Variants in ELAPOR2 observed in about 807,000 individuals in gnomAD.
ELAPOR2 encodes endosome/lysosome-associated apoptosis and autophagy regulator family member 2.
A neutral mutation model predicts 120.7 loss-of-function variants in ELAPOR2; 89 were observed. That is an observed-to-expected ratio of 0.74 (90% CI 0.62 to 0.88). The LOEUF is 0.88. Among genes scored for constraint, ELAPOR2 ranks in the 40% least tolerant of loss-of-function variants. The pLI, the probability that ELAPOR2 is intolerant of heterozygous loss-of-function variation, is 0.00. For missense variants in ELAPOR2, 1,134 were observed against 1,251.6 expected, an observed-to-expected ratio of 0.91 and a Z score of 1.42; for synonymous variants, 444 against 444.9, an observed-to-expected ratio of 1.00 and a Z score of 0.03.
chr7:86,918,086 G>A lies in ELAPOR2; in HGVS notation c.1593+356C>T, dbSNP rs185511452. 6.3e-3 allele frequency among the ~76,000 whole-genome samples: 954 copies of A among 151,470 alleles called. 13 individuals carry two copies. Among genetic ancestry groups the A allele is most frequent in the African/African-American group, 0.022 (889 of 41,340 alleles). On this transcript the variant is annotated intron_variant, in intron 12 of 21. Coordinates refer to ENST00000450689, the MANE Select transcript of ELAPOR2 (RefSeq NM_001142749.3). Reference sequence around the variant, plus strand: ...TATTAGTACAATGTTTTTTCTTTCCGGATAGTTCAAATAGCTGAATGGTTA... The same window carrying A: ...TATTAGTACAATGTTTTTTCTTTCCAGATAGTTCAAATAGCTGAATGGTTA...
At chr7:86,911,967 C>G (rs1236220395) in intron 15 of ELAPOR2, 105 bp downstream of exon 15, 2 of 1,176,922 alleles carry the variant, frequency 1.7e-6, no homozygotes, top group Non-Finnish European at 2.4e-6. Context: ...GTTTCTGACA[C>G]TTGGTTGATA....
At chr7:87,052,012 A>C (rs927416832) in intron 1 of ELAPOR2, among the ~76,000 whole-genome samples, 11 of 152,230 alleles carry the variant, frequency 7.2e-5, no homozygotes, top group African/African-American at 2.7e-4. Context: ...TAATGAGAGA[A>C]TCTCATGGTC....
chr7:86,887,475 A>G (rs907259866), intron 21 of ELAPOR2, among the ~76,000 whole-genome samples: 35 of 151,996 alleles, frequency 2.3e-4, no homozygotes, highest in African/African-American at 8.2e-4. Context: ...ACTATTTACA[A>G]CTGTTCAGGG....
intron 1 of ELAPOR2, among the ~76,000 whole-genome samples, chr7:87,046,758 T>C (rs1471234033): frequency 6.6e-6 from 1 of 152,210 alleles, no homozygotes; most frequent in African/African-American, 2.4e-5. Context: ...CCTTCTGCCA[T>C]GATTGTTAAG....
chr7:86,928,505 C>T (rs111999583), intron 8 of ELAPOR2, among the ~76,000 whole-genome samples: 6 of 151,992 alleles, frequency 3.9e-5, no homozygotes, highest in South Asian at 4.1e-4. Context: ...GTGGGAGTGG[C>T]GGGCGGTGCT....
intron 1 of ELAPOR2, among the ~76,000 whole-genome samples, chr7:87,033,934 T>G (rs1273585336): frequency 6.6e-6 from 1 of 152,062 alleles, no homozygotes; most frequent in Non-Finnish European, 1.5e-5. Flanking sequence ...AGAAAAAGGA[T>G]GAATTATGGA....
intron 1 of ELAPOR2, among the ~76,000 whole-genome samples, chr7:87,003,242 T>C (rs1404987757): frequency 2.0e-5 from 3 of 152,124 alleles, no homozygotes; most frequent in East Asian, 3.9e-4. Context: ...AACCCACACT[T>C]TTCCCAAGGC....
chr7:86,893,654 T>G (rs1021239916), intron 19 of ELAPOR2, among the ~76,000 whole-genome samples: 4 of 151,978 alleles, frequency 2.6e-5, no homozygotes, highest in African/African-American at 9.7e-5. Context: ...GGGCACACAG[T>G]CTACACCCTT....
At chr7:86,968,551 A>AT (rs1197062496) in intron 1 of ELAPOR2, among the ~76,000 whole-genome samples, 3 of 152,222 alleles carry the variant, frequency 2.0e-5, no homozygotes, top group Non-Finnish European at 4.4e-5. Context: ...AATCATTTGT[A>AT]TTATTATCAG....
Position 86,912,100 on chromosome 7 carries a change from A to T in ELAPOR2, c.2141T>A (p.Phe714Tyr). 6.2e-7 allele frequency: 1 copy of T among 1,610,626 alleles called. No individual in the cohort carries two copies. Among genetic ancestry groups the T allele is most frequent in the Non-Finnish European group, 8.5e-7 (1 of 1,177,136 alleles). ...ATGCCCACATAAACTGATATTGAAG[A>T]AATGGAAGTATTTTGTTCCTTTGGA... is the stretch of plus-strand genomic sequence containing the variant. ...FTSKGTKYFHFFNISLCGHEG... is the reference protein window; with the variant it reads ...FTSKGTKYFHYFNISLCGHEG... The change falls in exon 15 of 22, where the codon TTC becomes TAC. Residue 714 changes from phenylalanine (F) to tyrosine (Y), a missense_variant. Transcript: ENST00000450689.
intron 7 of ELAPOR2, among the ~76,000 whole-genome samples, chr7:86,938,556 A>G (rs1790664674): frequency 6.6e-6 from 1 of 152,076 alleles, no homozygotes; most frequent in Admixed American, 6.6e-5. Context: ...ACATTTTTAG[A>G]TTAGTATAAA....
At chr7:87,040,775 C>T (rs1212050381) in intron 1 of ELAPOR2, among the ~76,000 whole-genome samples, 1 of 152,222 alleles carries the variant, frequency 6.6e-6, no homozygotes, top group African/African-American at 2.4e-5. Flanking sequence ...ATGACTTTGA[C>T]GAGTTGAGAG....
In ELAPOR2 at chr7:86,938,816, TGA is replaced by T; in HGVS notation, c.990_991del (p.Gln331IlefsTer8). 6.2e-7 allele frequency: 1 copy of T among 1,613,052 alleles called. No homozygotes were observed. Among genetic ancestry groups the T allele is most frequent in the Non-Finnish European group, 8.5e-7 (1 of 1,179,276 alleles). On this transcript the variant is annotated frameshift_variant, in exon 7 of 22. Transcript: ENST00000450689. LOFTEE classifies it high-confidence loss of function. ...GTATAAACTAGTTCTACCTGAAAAT[TGA>T]GAGTCGTCTTTACACCTTATACATT...
chr7:86,892,821 C>A, intron 20 of ELAPOR2, 101 bp downstream of exon 20: 1 of 1,103,212 alleles, frequency 9.1e-7, no homozygotes, highest in Non-Finnish European at 1.2e-6. Flanking sequence ...ATTCTTGTGT[C>A]TCTGAGAGAA....
Position 86,947,594 on chromosome 7 carries a change from C to A in ELAPOR2, c.506+133G>T, listed in dbSNP as rs76179363. The A allele has an allele frequency of 5.9e-3, 4,648 of 790,228 alleles. 55 individuals carry two copies. The highest frequency in any genetic ancestry group is 0.039 in the African/African-American group (2,253 of 57,446). The allele number at this position is 790,228 out of a possible 1,614,324, so 49.0% of individuals were successfully genotyped here. A position where few individuals can be genotyped will look rare whatever the true frequency, so the allele number is the denominator to read the frequency against. On this transcript the variant is annotated intron_variant, in intron 3 of 21. Coordinates refer to ENST00000450689, the MANE Select transcript of ELAPOR2 (RefSeq NM_001142749.3). ...CTCATTGCAATGACCGTCCAAAAAA[C>A]ATGATTCTTTGCAATTAGCTTATCT...
Position 86,938,891 on chromosome 7 carries a change from T to C in ELAPOR2, c.917A>G (p.Asn306Ser), listed in dbSNP as rs762692749. Residue 306 changes from asparagine (N) to serine (S), a missense_variant, in exon 7 of 22, where the codon AAC (asparagine) becomes AGC (serine). By Grantham distance (46) the Asn-to-Ser change is conservative. Transcript: ENST00000450689. Reference protein sequence around the residue: ...GTFSNKPGSFNCQVCPRNTYS... With the variant: ...GTFSNKPGSFSCQVCPRNTYS... ...GGTGTTTCTGGGACACACCTGGCAG[T>C]TGAATGAACCTGGTTTGTTGCTGAA... The C allele has an allele frequency of 1.7e-5, 28 of 1,613,296 alleles. No homozygotes were observed. Among genetic ancestry groups the C allele is most frequent in the South Asian group, 5.5e-5 (5 of 91,080 alleles).
intron 10 of ELAPOR2, among the ~76,000 whole-genome samples, chr7:86,922,924 C>G (rs1231819923): frequency 1.3e-5 from 2 of 151,768 alleles, no homozygotes; most frequent in Non-Finnish European, 2.9e-5. Flanking sequence ...CAATGAGTGT[C>G]TATAAGGAAT....
intron 1 of ELAPOR2, among the ~76,000 whole-genome samples, chr7:87,042,936 C>T (rs1366978804): frequency 6.6e-6 from 1 of 152,116 alleles, no homozygotes; most frequent in Non-Finnish European, 1.5e-5. Context: ...GATATCACCA[C>T]CGATCCCACA....
At position 86,880,261 on chromosome 7, in the gene ELAPOR2, C is replaced by A; in HGVS notation, c.*210G>T. 1 of 579,426 alleles carries A rather than the reference C, an allele frequency of 1.7e-6. No individual in the cohort carries two copies. 35.9% of individuals were successfully genotyped at this position (579,426 alleles called of 1,614,324 possible). A position where few individuals can be genotyped will look rare whatever the true frequency, so the allele number is the denominator to read the frequency against. On this transcript the variant is annotated 3_prime_UTR_variant, in exon 22 of 22. Transcript: ENST00000450689. Reference sequence around the variant, plus strand: ...AGTTGAGCTTCATCTTCAGTTGAGACCCAAATCATTTGCTTTCCTTTATTT... The same window carrying A: ...AGTTGAGCTTCATCTTCAGTTGAGAACCAAATCATTTGCTTTCCTTTATTT...
Sources: allele counts gnomAD v4.1 joint callset (sites outside exome capture counted in the v4.1 genomes callset), GRCh38; gene constraint gnomAD v4.1.1; transcripts MANE v1.5; gene names NCBI Gene and HGNC (gene_info 2026-07-23, HGNC 2026-07-21).